The following UGT2B7 variants were observed in gnomAD, a reference collection of about 807,000 sequenced individuals.
The protein encoded by UGT2B7 is UDP glucuronosyltransferase family 2 member B7, also known as UDP-glucuronosyltransferase 2B7.
A neutral mutation model predicts 51.9 loss-of-function variants in UGT2B7; 51 were observed. The observed-to-expected ratio is 0.98, with a 90% CI of 0.78 to 1.24. The LOEUF (loss-of-function observed/expected upper bound fraction) is 1.24, where lower values mean the gene tolerates loss of function less well. Ranked by LOEUF, UGT2B7 falls within the 50% of genes most tolerant of loss-of-function variation. The probability of loss-of-function intolerance (pLI) is 0.00; values close to 1 mark genes in which losing one functional copy is unlikely to be tolerated. For missense variants in UGT2B7, 727 were observed against 628.4 expected, an observed-to-expected ratio of 1.16 and a Z score of -1.68; for synonymous variants, 225 against 211.6, an observed-to-expected ratio of 1.06 and a Z score of -0.55.
chr4:69,084,628 G>C (rs6600871), intron 1 of UGT2B7, among the ~76,000 whole-genome samples: 140,881 of 151,996 alleles, frequency 0.93, 65,332 homozygotes, highest in East Asian at 1. Flanking sequence ...TCCCCCCAAC[G>C]CACGACAGGC....
intron 3 of UGT2B7, among the ~76,000 whole-genome samples, chr4:69,103,861 G>T (rs1169779261): frequency 6.6e-6 from 1 of 152,172 alleles, no homozygotes; most frequent in Non-Finnish European, 1.5e-5. Context: ...TCTGTTAGTA[G>T]TTATGCGGTA....
intron 2 of UGT2B7, among the ~76,000 whole-genome samples, chr4:69,099,721 T>A (rs1719364818): frequency 6.6e-6 from 1 of 152,102 alleles, no homozygotes; most frequent in Non-Finnish European, 1.5e-5. Flanking sequence ...AGAAATATTA[T>A]TAATTTTGCA....
intron 1 of UGT2B7, among the ~76,000 whole-genome samples, chr4:69,077,757 G>C (rs1718747971): frequency 6.6e-6 from 1 of 152,056 alleles, no homozygotes; most frequent in East Asian, 1.9e-4. Flanking sequence ...TTTCCTATTT[G>C]AATACTTTTT....
intron 1 of UGT2B7, among the ~76,000 whole-genome samples, chr4:69,080,857 G>A (rs1577914600): frequency 6.6e-6 from 1 of 152,070 alleles, no homozygotes; most frequent in Non-Finnish European, 1.5e-5. Flanking sequence ...AGCTACTTGA[G>A]CATAGGAACT....
chr4:69,112,525 C>T lies in UGT2B7; in HGVS notation c.1379C>T (p.Ala460Val), dbSNP rs1167755678. The change falls in exon 6 of 6, where the codon GCA (alanine) becomes GTA (valine). Residue 460 changes from alanine to valine, a missense_variant. Transcript: ENST00000305231. ...HDQPVKPLDR[A>V]VFWIEFVMRH... Reference sequence around the variant, plus strand: ...CAACCAGTGAAGCCCCTGGATCGAGCAGTCTTCTGGATTGAATTTGTCATG... The same window carrying T: ...CAACCAGTGAAGCCCCTGGATCGAGTAGTCTTCTGGATTGAATTTGTCATG... 1.2e-6 allele frequency: 2 copies of T among 1,613,928 alleles called. No individual in the cohort carries two copies. Among genetic ancestry groups the T allele is most frequent in the Admixed American group, 3.3e-5 (2 of 60,020 alleles).
At chr4:69,105,602 G>GT (rs1275216091) in intron 3 of UGT2B7, among the ~76,000 whole-genome samples, 3 of 152,126 alleles carry the variant, frequency 2.0e-5, no homozygotes, top group African/African-American at 7.2e-5. Context: ...ACAATTTTGA[G>GT]TTTTTTCAAC....
intron 3 of UGT2B7, 136 bp from the exon 4 acceptor site, chr4:69,107,039 T>G: frequency 1.1e-6 from 1 of 943,774 alleles, no homozygotes; most frequent in Non-Finnish European, 1.5e-6. Flanking sequence ...AATGTGAGTA[T>G]TCTATTTACA....
intron 1 of UGT2B7, among the ~76,000 whole-genome samples, chr4:69,058,527 C>T (rs573495825): frequency 2.6e-5 from 4 of 152,062 alleles, no homozygotes; most frequent in Non-Finnish European, 4.4e-5. Context: ...TAAGGGAAGG[C>T]GGGAGAAAGG....
intron 1 of UGT2B7, among the ~76,000 whole-genome samples, chr4:69,053,021 G>T (rs1361838845): frequency 6.6e-6 from 1 of 152,088 alleles, no homozygotes; most frequent in Admixed American, 6.5e-5. Context: ...CAGTTTTTCT[G>T]CGAACTAGAC....
intron 1 of UGT2B7, among the ~76,000 whole-genome samples, chr4:69,059,061 C>T (rs1270041395): frequency 2.0e-5 from 3 of 152,226 alleles, no homozygotes; most frequent in Non-Finnish European, 4.4e-5. Context: ...CAGGAGAAAC[C>T]AGGCACTGAT....
At chr4:69,051,857 C>T (rs1718025463) in intron 1 of UGT2B7, among the ~76,000 whole-genome samples, 1 of 152,176 alleles carries the variant, frequency 6.6e-6, no homozygotes. Flanking sequence ...GGTTTTTGGC[C>T]TGGCTTGAAT....
Position 69,087,448 on chromosome 4 carries a change from A to G in UGT2B7, c.-158-2024A>G, listed in dbSNP as rs543941344. Among the ~76,000 whole-genome samples, 8 of 152,034 alleles carry G rather than the reference A, an allele frequency of 5.3e-5. No individual in the cohort carries two copies. The South Asian group carries it at 1.7e-3, about 32-fold the overall frequency. The stretch of plus-strand genomic sequence containing the variant: ...ATAACTTTGTCTTTTTATCTTCATG[A>G]TAAAGATATAAATGGCTTATATACC... On this transcript the variant is annotated intron_variant, in intron 1 of 5. Coordinates refer to the UGT2B7 transcript ENST00000502942.
At chr4:69,099,728 T>C (rs1201320986) in intron 2 of UGT2B7, among the ~76,000 whole-genome samples, 1 of 152,092 alleles carries the variant, frequency 6.6e-6, no homozygotes, top group Non-Finnish European at 1.5e-5. Flanking sequence ...TTATTAATTT[T>C]GCAATTATGG....
In UGT2B7 at chr4:69,097,100, G is replaced by A. The variant is rs143338928; in HGVS notation, c.580G>A (p.Val194Ile). 91 of 1,613,462 alleles carry A rather than the reference G, an allele frequency of 5.6e-5. No homozygotes were observed. The African/African-American group carries it at 5.9e-4, about 10-fold the overall frequency. ...AGGATTTATTTTCCCTCCTTCCTAC[G>A]TACCTGTTGTTATGTCAGAATTAAC... is the stretch of plus-strand genomic sequence containing the variant. ...SGGFIFPPSY[V>I]PVVMSELTDQ... Residue 194 changes from valine to isoleucine, a missense_variant, in exon 1 of 6, where the codon GTA (valine) becomes ATA (isoleucine). Coordinates refer to ENST00000305231, the MANE Select transcript of UGT2B7 (RefSeq NM_001074.4).
intron 3 of UGT2B7, among the ~76,000 whole-genome samples, chr4:69,106,836 C>A (rs1719614676): frequency 6.7e-6 from 1 of 150,132 alleles, no homozygotes. Flanking sequence ...ATTTGCATTT[C>A]TCTAATGATG....
At chr4:69,090,123 T>C (rs1719052581) in intron 2 of UGT2B7, among the ~76,000 whole-genome samples, 1 of 152,190 alleles carries the variant, frequency 6.6e-6, no homozygotes, top group African/African-American at 2.4e-5. Flanking sequence ...AAAAGGCAAT[T>C]ACAATTTTGA....
Position 69,102,838 on chromosome 4 carries a change from A to G in UGT2B7, c.902A>G (p.Glu301Gly). 2.5e-6 allele frequency: 4 copies of G among 1,613,392 alleles called. No individual in the cohort carries two copies. The highest frequency in any genetic ancestry group is 3.4e-6 in the Non-Finnish European group (4 of 1,179,634). Reference sequence around the variant, plus strand: ...GAAGACTTTGTACAGAGCTCTGGAGAAAATGGTGTTGTGGTGTTTTCTCTG... The same window carrying G: ...GAAGACTTTGTACAGAGCTCTGGAGGAAATGGTGTTGTGGTGTTTTCTCTG... ...EMEDFVQSSGENGVVVFSLGS... is the reference protein window; with the variant it reads ...EMEDFVQSSGGNGVVVFSLGS... The change falls in exon 3 of 6, where the codon GAA becomes GGA. Residue 301 changes from glutamate (E) to glycine (G), a missense_variant. Transcript: ENST00000305231.
intron 1 of UGT2B7, among the ~76,000 whole-genome samples, chr4:69,062,337 C>T (rs1056226139): frequency 1.3e-5 from 2 of 152,172 alleles, no homozygotes; most frequent in African/African-American, 4.8e-5. Flanking sequence ...CAAAAACTAA[C>T]TTTAAGAAGG....
chr4:69,100,212 C>G (rs7679184), intron 2 of UGT2B7, among the ~76,000 whole-genome samples: 87,582 of 151,752 alleles, frequency 0.58, 26,275 homozygotes, highest in African/African-American at 0.71. Flanking sequence ...CTGCCTGACA[C>G]AGAAGCACAG....
Sources: allele counts gnomAD v4.1 joint callset (sites outside exome capture counted in the v4.1 genomes callset), GRCh38; gene constraint gnomAD v4.1.1; transcripts MANE v1.5; gene names NCBI Gene and HGNC (gene_info 2026-07-23, HGNC 2026-07-21).